Variants in CPLX1 observed in about 807,000 individuals in gnomAD.
The protein encoded by CPLX1 is complexin 1, also known as complexin-1.
A neutral mutation model predicts 15.6 loss-of-function variants in CPLX1; 6 were observed. The observed-to-expected ratio is 0.39, with a 90% CI of 0.21 to 0.76. The LOEUF is 0.76. Ranked by LOEUF, CPLX1 falls within the 30% of genes least tolerant of loss-of-function variation. The pLI, the probability that CPLX1 is intolerant of heterozygous loss-of-function variation, is 0.43. For synonymous variants in CPLX1, 91 were observed against 75.2 expected (o/e 1.21, Z -1.08); for missense variants, 242 against 188.6 (o/e 1.28, Z -1.66).
At chr4:794,523 T>C (rs1219698959) in intron 2 of CPLX1, among the ~76,000 whole-genome samples, 2 of 152,230 alleles carry the variant, frequency 1.3e-5, no homozygotes, top group Non-Finnish European at 2.9e-5. Context: ...ACAGTAGAGT[T>C]GCTCCTGGAT....
chr4:808,429 C>T (rs970336202), intron 2 of CPLX1, among the ~76,000 whole-genome samples: 6 of 152,092 alleles, frequency 3.9e-5, no homozygotes, highest in Admixed American at 1.3e-4. Context: ...TTCCCTGAAA[C>T]GCTCACGCTC....
intron 2 of CPLX1, among the ~76,000 whole-genome samples, chr4:801,828 G>C (rs1425642870): frequency 1.3e-5 from 2 of 152,208 alleles, no homozygotes; most frequent in African/African-American, 2.4e-5. Flanking sequence ...AGTCATAAGG[G>C]AATTCAAACT....
chr4:806,374 C>T (rs1016714867), intron 2 of CPLX1, among the ~76,000 whole-genome samples: 3 of 152,168 alleles, frequency 2.0e-5, no homozygotes, highest in Non-Finnish European at 2.9e-5. Flanking sequence ...GGACCCCTTC[C>T]TTACACCTTA....
chr4:791,192 CG>C (rs1553852543), intron 3 of CPLX1, among the ~76,000 whole-genome samples: 3 of 66,740 alleles, frequency 4.5e-5, no homozygotes, highest in Admixed American at 3.6e-4. Context: ...GGGCGGGGAG[CG>C]GGGGGCGGAG....
In CPLX1 at chr4:801,388, C is replaced by G. The variant is rs190393142; in HGVS notation, c.32-8780G>C. Among the ~76,000 whole-genome samples the G allele has an allele frequency of 4.9e-4, 74 of 152,166 alleles. 1 individual carries two copies. Among genetic ancestry groups the G allele is most frequent in the African/African-American group, 1.4e-3 (60 of 41,524 alleles). On this transcript the variant is annotated intron_variant, in intron 2 of 3. Coordinates refer to ENST00000304062, the MANE Select transcript of CPLX1 (RefSeq NM_006651.4). ...CTCTTACAACTCAATAACAGGAACACAAACAACCTGATTTTTAAAGTGGAC... is the reference window on the plus strand; with the variant it reads ...CTCTTACAACTCAATAACAGGAACAGAAACAACCTGATTTTTAAAGTGGAC...
chr4:795,175 AC>A (rs1746295592), intron 2 of CPLX1, among the ~76,000 whole-genome samples: 1 of 152,174 alleles, frequency 6.6e-6, no homozygotes, highest in Non-Finnish European at 1.5e-5. Flanking sequence ...CTCCAGAACC[AC>A]TTCCAAAAGC....
intron 1 of CPLX1, 118 bp from the exon 2 acceptor site, chr4:824,719 C>G (rs1448368888): frequency 1.4e-6 from 1 of 711,008 alleles, no homozygotes; most frequent in Non-Finnish European, 2.5e-6. Flanking sequence ...CCACCTGGAG[C>G]GGCTGCCTGG....
intron 2 of CPLX1, among the ~76,000 whole-genome samples, chr4:822,931 C>A (rs932305210): frequency 6.6e-6 from 1 of 152,240 alleles, no homozygotes; most frequent in African/African-American, 2.4e-5. Flanking sequence ...GTGGAGCCCC[C>A]CCAGGGTCTG....
chr4:810,389 A>T (rs1210797320), intron 2 of CPLX1, among the ~76,000 whole-genome samples: 1 of 152,048 alleles, frequency 6.6e-6, no homozygotes. Context: ...AACGTCTAGG[A>T]GCAGAATTGC....
At chr4:793,036 A>ATG (rs1746231652) in intron 2 of CPLX1, among the ~76,000 whole-genome samples, 1 of 151,912 alleles carries the variant, frequency 6.6e-6, no homozygotes, top group African/African-American at 2.4e-5. Flanking sequence ...GTGGTTGTGC[A>ATG]TGTGTGTGTG....
chr4:806,568 C>T (rs548300477), intron 2 of CPLX1, among the ~76,000 whole-genome samples: 1 of 151,254 alleles, frequency 6.6e-6, no homozygotes, highest in African/African-American at 2.5e-5. Flanking sequence ...TAAAGAGCTT[C>T]TGCATAGCAA....
chr4:794,817 CTT>C (rs1211481079), intron 2 of CPLX1, among the ~76,000 whole-genome samples: 4 of 152,198 alleles, frequency 2.6e-5, no homozygotes, highest in Non-Finnish European at 5.9e-5. Context: ...AGCTGCAGGG[CTT>C]CTGCAGCTCA....
chr4:787,315 C>G, intron 3 of CPLX1: 1 of 985,426 alleles, frequency 1.0e-6, no homozygotes, highest in South Asian at 4.7e-5. Context: ...GCCAGTATGC[C>G]TGGGCCTCAC....
chr4:807,465 C>G (rs1029971431), intron 2 of CPLX1, among the ~76,000 whole-genome samples: 1 of 152,020 alleles, frequency 6.6e-6, no homozygotes, highest in African/African-American at 2.4e-5. Context: ...GCACATGTAT[C>G]CCGGAACTTA....
chr4:810,119 A>G (rs1021269925), intron 2 of CPLX1, among the ~76,000 whole-genome samples: 7 of 140,390 alleles, frequency 5.0e-5, no homozygotes, highest in East Asian at 4.1e-4. Context: ...GCATGATCTC[A>G]GCTCACTGCA....
intron 2 of CPLX1, among the ~76,000 whole-genome samples, chr4:794,340 T>C (rs1242830596): frequency 6.6e-6 from 1 of 152,230 alleles, no homozygotes; most frequent in Admixed American, 6.5e-5. Context: ...GAGCCCCTCT[T>C]GCTGCCCTCG....
intron 3 of CPLX1, among the ~76,000 whole-genome samples, chr4:790,866 C>CTG (rs1159038506): frequency 6.6e-6 from 1 of 151,994 alleles, no homozygotes; most frequent in African/African-American, 2.4e-5. Context: ...GCCTTGATTG[C>CTG]TGTCTCTCCC....
intron 2 of CPLX1, among the ~76,000 whole-genome samples, 156 bp downstream of exon 2, chr4:824,335 CG>C (rs1387663879): frequency 6.6e-6 from 1 of 152,152 alleles, no homozygotes; most frequent in African/African-American, 2.4e-5. Context: ...CTGCTGGGCA[CG>C]GTCCTTGCTC....
In CPLX1 at chr4:786,497, G is replaced by C. The variant is rs113219473; in HGVS notation, c.*4C>G. On this transcript the variant is annotated 3_prime_UTR_variant, in exon 4 of 4. Transcript: ENST00000304062. ...GCTCCGCGGGGCCGCTGTCCCGCGC[G>C]CGGCTACTTCTTGAGCATGTCCTGC... The C allele has an allele frequency of 1.9e-6, 3 of 1,561,514 alleles. No homozygotes were observed. The highest frequency in any genetic ancestry group is 2.6e-6 in the Non-Finnish European group (3 of 1,151,310).
Sources: allele counts gnomAD v4.1 joint callset (sites outside exome capture counted in the v4.1 genomes callset), GRCh38; gene constraint gnomAD v4.1.1; transcripts MANE v1.5; gene names NCBI Gene and HGNC (gene_info 2026-07-23, HGNC 2026-07-21).